GPHN: variants seen among roughly 807,000 people sequenced by gnomAD.
GPHN encodes gephyrin.
GPHN carries 17 observed loss-of-function variants against 95.5 expected under a neutral mutation model. The ratio of observed to expected loss-of-function variants is 0.18; its 90% CI spans 0.12 to 0.27. The LOEUF (loss-of-function observed/expected upper bound fraction) is 0.27, where lower values mean the gene tolerates loss of function less well. Among genes scored for constraint, GPHN ranks in the 10% least tolerant of loss-of-function variants. The pLI is 1.00. For synonymous variants in GPHN, 320 were observed against 322.5 expected (o/e 0.99, Z 0.08); for missense variants, 660 against 978.1 (o/e 0.67, Z 4.34).
intron 4 of GPHN, among the ~76,000 whole-genome samples, chr14:66,850,390 C>T (rs1056549558): frequency 4.6e-5 from 7 of 152,100 alleles, no homozygotes; most frequent in Non-Finnish European, 7.4e-5. Flanking sequence ...ACTTCTCTGA[C>T]ATGTAGAGCT....
At chr14:67,339,790 A>G in the GPHN span, among the ~76,000 whole-genome samples, 3 of 152,272 alleles carry the variant, frequency 2.0e-5, no homozygotes, top group East Asian at 5.8e-4. Context: ...AATCTAAATC[A>G]TCATTTCATT....
chr14:66,936,077 C>T (rs2067118842), intron 8 of GPHN, among the ~76,000 whole-genome samples: 2 of 152,024 alleles, frequency 1.3e-5, no homozygotes, highest in Admixed American at 1.3e-4. Flanking sequence ...TATAAACTCT[C>T]CTCAAAAATG....
intron 4 of GPHN, among the ~76,000 whole-genome samples, chr14:66,863,095 CA>C (rs2063092284): frequency 6.6e-6 from 1 of 151,412 alleles, no homozygotes; most frequent in African/African-American, 2.4e-5. Context: ...CTCCACCAAA[CA>C]ACTATTAGAA....
At chr14:67,344,491 C>A in the GPHN span, among the ~76,000 whole-genome samples, 2 of 152,018 alleles carry the variant, frequency 1.3e-5, no homozygotes, top group Non-Finnish European at 1.5e-5. Flanking sequence ...TACTAACTGG[C>A]CACATAGGGG....
At chr14:67,221,823 C>T in the GPHN span, 1 of 1,612,170 alleles carries the variant, frequency 6.2e-7, no homozygotes, top group Admixed American at 1.7e-5. Context: ...GAACAAATTC[C>T]ACTACATGTT....
chr14:66,612,682 G>C (rs1235178614), intron 1 of GPHN, among the ~76,000 whole-genome samples: 1 of 151,972 alleles, frequency 6.6e-6, no homozygotes, highest in African/African-American at 2.4e-5. Context: ...TAGATAGAAT[G>C]TTTCTTTCTC....
intron 1 of GPHN, among the ~76,000 whole-genome samples, chr14:66,608,095 T>A (rs1339883865): frequency 6.6e-6 from 1 of 150,932 alleles, no homozygotes; most frequent in Non-Finnish European, 1.5e-5. Flanking sequence ...TAATTTGAGA[T>A]CTTTCTAATT....
At chr14:66,691,406 A>G (rs1350482731) in intron 2 of GPHN, among the ~76,000 whole-genome samples, 1 of 151,842 alleles carries the variant, frequency 6.6e-6, no homozygotes, top group Non-Finnish European at 1.5e-5. Context: ...GATGGTCTCG[A>G]TCTCCTGACC....
chr14:67,432,828 TC>T, the GPHN span, among the ~76,000 whole-genome samples: 1 of 152,088 alleles, frequency 6.6e-6, no homozygotes, highest in East Asian at 1.9e-4. Context: ...CACTCCAATC[TC>T]TGTTTTGGTG....
chr14:67,070,016 G>A (rs1000724954), intron 11 of GPHN, among the ~76,000 whole-genome samples: 3 of 151,934 alleles, frequency 2.0e-5, no homozygotes, highest in Non-Finnish European at 4.4e-5. Flanking sequence ...ACTTGCAAAG[G>A]GATGTTGGTC....
the GPHN span, among the ~76,000 whole-genome samples, chr14:67,252,392 C>A: frequency 6.6e-6 from 1 of 152,092 alleles, no homozygotes; most frequent in African/African-American, 2.4e-5. Flanking sequence ...TGGTCTCCAG[C>A]AGTCCTCCAG....
chr14:67,115,466 C>T (rs1650897840), intron 16 of GPHN, among the ~76,000 whole-genome samples: 1 of 152,208 alleles, frequency 6.6e-6, no homozygotes, highest in Admixed American at 6.5e-5. Context: ...GGCATGGTTG[C>T]TCACACCTGT....
At chr14:67,672,122 C>T in the GPHN span, among the ~76,000 whole-genome samples, 1 of 130,798 alleles carries the variant, frequency 7.6e-6, no homozygotes. Flanking sequence ...ATGCAGTCTA[C>T]ATTTTTTTTT....
the GPHN span, chr14:67,619,778 C>G: frequency 7.4e-6 from 4 of 543,098 alleles, no homozygotes; most frequent in Non-Finnish European, 1.3e-5. Context: ...CCCAGCCTTG[C>G]AGAGCGGTGG....
the GPHN span, among the ~76,000 whole-genome samples, chr14:67,290,757 C>T: frequency 1.3e-5 from 2 of 151,884 alleles, no homozygotes; most frequent in Non-Finnish European, 2.9e-5. Context: ...CTGGTCTCCA[C>T]CTCCTGGACT....
the GPHN span, among the ~76,000 whole-genome samples, chr14:67,378,355 A>T: frequency 5.4e-5 from 8 of 147,704 alleles, no homozygotes; most frequent in Non-Finnish European, 1.2e-4. Flanking sequence ...CACGTGGTAG[A>T]AAAGGTGGGA....
chr14:67,635,927 ATT>A, the GPHN span, among the ~76,000 whole-genome samples: 8 of 152,166 alleles, frequency 5.3e-5, no homozygotes, highest in Non-Finnish European at 1.2e-4. Flanking sequence ...CATGTAAAAT[ATT>A]TGAGTCTGTA....
rs985592670 is a variant in GPHN at position 66,515,062 on chromosome 14, T to A, written c.64+6471T>A. Among the ~76,000 whole-genome samples the A allele has an allele frequency of 2.0e-5, 3 of 152,290 alleles. No homozygotes were observed. The East Asian group carries it at 5.8e-4, about 29-fold the overall frequency. The stretch of plus-strand genomic sequence containing the variant: ...TCAGAACTAATAGAGGTAACGCATA[T>A]GAAAATGCCTAGCATTTTCAGATGA... On this transcript the variant is annotated intron_variant, in intron 1 of 22. Transcript: ENST00000478722.
the GPHN span, among the ~76,000 whole-genome samples, chr14:67,394,009 A>T: frequency 6.6e-6 from 1 of 152,108 alleles, no homozygotes; most frequent in African/African-American, 2.4e-5. Flanking sequence ...CCTCTTTGTG[A>T]GAAACTGGAA....
Sources: allele counts gnomAD v4.1 joint callset (sites outside exome capture counted in the v4.1 genomes callset), GRCh38; gene constraint gnomAD v4.1.1; transcripts MANE v1.5; gene names NCBI Gene and HGNC (gene_info 2026-07-23, HGNC 2026-07-21).